EIF2AK4: variants seen among roughly 807,000 people sequenced by gnomAD.
EIF2AK4 encodes the protein eIF-2-alpha kinase GCN2.
EIF2AK4 carries 139 observed loss-of-function variants against 211.1 expected under a neutral mutation model. The ratio of observed to expected loss-of-function variants is 0.66; its 90% CI spans 0.57 to 0.76. EIF2AK4 has a LOEUF of 0.76. EIF2AK4 is among the 30% of genes least tolerant of loss of function. EIF2AK4 has a pLI of 0.00. For missense variants in EIF2AK4, 1,664 were observed against 2,043.8 expected, an observed-to-expected ratio of 0.81 and a Z score of 3.58; for synonymous variants, 710 against 751.3, an observed-to-expected ratio of 0.94 and a Z score of 0.90.
At chr15:39,957,381 G>A (rs1194852606) in intron 6 of EIF2AK4, among the ~76,000 whole-genome samples, 2 of 151,894 alleles carry the variant, frequency 1.3e-5, no homozygotes, top group Admixed American at 6.6e-5. Flanking sequence ...GACCAGCCTG[G>A]GCAACAAACT....
At chr15:39,969,356 CTT>C (rs10550245) in intron 9 of EIF2AK4, among the ~76,000 whole-genome samples, 10,712 of 100,486 alleles carry the variant, frequency 0.11, 197 homozygotes, top group Middle Eastern at 0.23. Context: ...ATTTCTTATT[CTT>C]TTTTTTTTTT....
intron 15 of EIF2AK4, among the ~76,000 whole-genome samples, chr15:39,988,536 A>G (rs530334946): frequency 1.3e-5 from 2 of 152,366 alleles, no homozygotes; most frequent in East Asian, 3.9e-4. Flanking sequence ...ATTGGTTTAC[A>G]TATTGCCTAT....
chr15:40,031,515 C>G (rs550363099), intron 35 of EIF2AK4, among the ~76,000 whole-genome samples: 1 of 152,314 alleles, frequency 6.6e-6, no homozygotes, highest in East Asian at 1.9e-4. Flanking sequence ...GCTGCCACCT[C>G]TCCCTTTTTC....
chr15:39,965,857 G>T lies in EIF2AK4; in HGVS notation c.1017+14G>T, dbSNP rs778468470. On this transcript the variant is annotated intron_variant, in intron 8 of 38. Coordinates refer to ENST00000263791, the MANE Select transcript of EIF2AK4 (RefSeq NM_001013703.4). ...TGCAAAAAGCAGGTAAGCATCCAAGGTGGCTGACTGAGCAAAAGGCCTAAT... is the reference window on the plus strand; with the variant it reads ...TGCAAAAAGCAGGTAAGCATCCAAGTTGGCTGACTGAGCAAAAGGCCTAAT... The T allele has an allele frequency of 1.2e-6, 2 of 1,612,910 alleles. No homozygotes were observed. The highest frequency in any genetic ancestry group is 4.5e-5 in the East Asian group (2 of 44,890).
chr15:39,975,160 T>A (rs1395674162), intron 11 of EIF2AK4: 3 of 152,198 alleles, frequency 2.0e-5, no homozygotes, highest in African/African-American at 7.2e-5. Flanking sequence ...TCTTTAAATC[T>A]CAGGACATTC....
At chr15:39,992,532 C>T (rs2034957703) in intron 17 of EIF2AK4, 1 of 579,128 alleles carries the variant, frequency 1.7e-6, no homozygotes, top group Admixed American at 3.0e-5. Context: ...CATCTGGGGT[C>T]TTATCTGGCA....
intron 5 of EIF2AK4, among the ~76,000 whole-genome samples, chr15:39,955,331 T>G (rs1250590929): frequency 6.6e-6 from 1 of 152,232 alleles, no homozygotes; most frequent in African/African-American, 2.4e-5. Flanking sequence ...ATAATAGTTG[T>G]ATATATTCAT....
intron 3 of EIF2AK4, among the ~76,000 whole-genome samples, chr15:39,947,940 C>T (rs1255177835): frequency 6.6e-6 from 1 of 152,218 alleles, no homozygotes; most frequent in East Asian, 1.9e-4. Context: ...CTCCTGCCTC[C>T]TTTTTGGTTT....
intron 1 of EIF2AK4, among the ~76,000 whole-genome samples, chr15:39,935,520 A>C (rs2034052507): frequency 6.6e-6 from 1 of 152,100 alleles, no homozygotes; most frequent in Non-Finnish European, 1.5e-5. Flanking sequence ...TTGTAGAGAC[A>C]GAGTCTTGCT....
At chr15:39,948,527 C>T (rs1473374529) in intron 3 of EIF2AK4, among the ~76,000 whole-genome samples, 2 of 152,216 alleles carry the variant, frequency 1.3e-5, no homozygotes, top group Middle Eastern at 3.2e-3. Flanking sequence ...CTTCCACATT[C>T]TATCTGTGAC....
At position 40,030,356 on chromosome 15, in the gene EIF2AK4, C is replaced by T. The variant is rs1007415243; in HGVS notation, c.4562-3C>T. Reference sequence around the variant, plus strand: ...ATAAATTCTGAAACTCTCTTGGTCTCAGGTTTGTTTGAAATCCATGGAGCA... The same window carrying T: ...ATAAATTCTGAAACTCTCTTGGTCTTAGGTTTGTTTGAAATCCATGGAGCA... On this transcript the variant is annotated splice_polypyrimidine_tract_variant and splice_region_variant and intron_variant, in intron 34 of 38. Transcript: ENST00000263791. 4 of 1,613,690 alleles carry T rather than the reference C, an allele frequency of 2.5e-6. No homozygotes were observed. The highest frequency in any genetic ancestry group is 2.7e-5 in the African/African-American group (2 of 74,896).
intron 3 of EIF2AK4, 121 bp downstream of exon 3, chr15:39,943,606 T>A: frequency 1.3e-6 from 1 of 756,624 alleles, no homozygotes; most frequent in Non-Finnish European, 2.1e-6. Context: ...ATTGTGATTT[T>A]TATTTATTTA....
chr15:39,934,157 G>T lies in EIF2AK4; in HGVS notation c.-39G>T. ...CGCAGGCTGCCGGGGGCCCACCGCCGCCCAGGCAAGGCCGCCCTGCCTTGG... is the reference window on the plus strand; with the variant it reads ...CGCAGGCTGCCGGGGGCCCACCGCCTCCCAGGCAAGGCCGCCCTGCCTTGG... On this transcript the variant is annotated 5_prime_UTR_variant, in exon 1 of 39. Transcript: ENST00000263791. The T allele has an allele frequency of 2.3e-6, 3 of 1,289,624 alleles. No homozygotes were observed. Among genetic ancestry groups the T allele is most frequent in the Non-Finnish European group, 2.9e-6 (3 of 1,024,014 alleles). The allele number at this position is 1,289,624 out of a possible 1,614,324, so 79.9% of individuals were successfully genotyped here.
chr15:40,030,652 G>A (rs1382921311), intron 35 of EIF2AK4, among the ~76,000 whole-genome samples, 196 bp downstream of exon 35: 9 of 152,142 alleles, frequency 5.9e-5, no homozygotes, highest in Admixed American at 5.9e-4. Context: ...AGGGGCCATT[G>A]TGCACTGTGG....
intron 33 of EIF2AK4, 116 bp from the exon 34 acceptor site, chr15:40,029,290 A>T (rs1358092237): frequency 2.3e-5 from 33 of 1,406,066 alleles, no homozygotes; most frequent in South Asian, 1.8e-4. Context: ...ATAACCAAGA[A>T]GATGTTTTTA....
intron 4 of EIF2AK4, 48 bp from the exon 5 acceptor site, chr15:39,953,856 G>A (rs2034353512): frequency 1.9e-6 from 3 of 1,562,166 alleles, no homozygotes; most frequent in African/African-American, 1.4e-5. Flanking sequence ...TTTATATGTT[G>A]TATGGGTTTC....
At chr15:39,987,884 T>C in intron 14 of EIF2AK4, 99 bp from the exon 15 acceptor site, 1 of 1,394,226 alleles carries the variant, frequency 7.2e-7, no homozygotes. Context: ...TTAAAACCCA[T>C]GGTACACGTT....
intron 8 of EIF2AK4, 38 bp from the exon 9 acceptor site, chr15:39,967,306 T>G (rs1201838906): frequency 1.3e-6 from 2 of 1,508,900 alleles, no homozygotes; most frequent in Admixed American, 2.2e-5. Flanking sequence ...TAATGTTGAC[T>G]GGCCCAATAT....
chr15:39,965,907 C>A, intron 8 of EIF2AK4, 64 bp downstream of exon 8: 16 of 1,581,800 alleles, frequency 1.0e-5, no homozygotes, highest in Non-Finnish European at 1.4e-5. Context: ...GATGACAGAA[C>A]AAAATAGCCC....
Sources: gnomAD v4.1 joint callset for allele counts (sites outside exome capture counted in the v4.1 genomes callset) on GRCh38, gnomAD v4.1.1 for gene constraint, MANE v1.5 for transcripts, NCBI Gene and HGNC (gene_info 2026-07-23, HGNC 2026-07-21) for gene names.